PARD3B: variants seen among roughly 807,000 people sequenced by gnomAD.
PARD3B encodes the protein par-3 family cell polarity regulator beta.
Under a neutral mutation model 130.2 loss-of-function variants are expected in PARD3B, and 103 were observed. The observed-to-expected ratio is 0.79, with a 90% CI of 0.67 to 0.93. The LOEUF (loss-of-function observed/expected upper bound fraction) is 0.93. Among genes scored for constraint, PARD3B ranks in the 40% least tolerant of loss-of-function variants. PARD3B has a pLI of 0.00. For synonymous variants in PARD3B, 583 were observed against 553.2 expected (o/e 1.05, Z -0.76); for missense variants, 1,609 against 1,499.2 (o/e 1.07, Z -1.21).
At chr2:204,832,834 T>C (rs77669154) in intron 2 of PARD3B, among the ~76,000 whole-genome samples, 227 of 152,074 alleles carry the variant, frequency 1.5e-3, no homozygotes, top group African/African-American at 5.1e-3. Flanking sequence ...TTAATTGTCT[T>C]AAAAAATAGA....
chr2:205,058,227 C>G (rs554822686), intron 4 of PARD3B, among the ~76,000 whole-genome samples: 2 of 151,912 alleles, frequency 1.3e-5, no homozygotes, highest in African/African-American at 4.8e-5. Flanking sequence ...GCATAATATT[C>G]TTAAGCATCA....
intron 2 of PARD3B, among the ~76,000 whole-genome samples, chr2:204,770,917 G>A (rs2041344039): frequency 6.6e-6 from 1 of 152,060 alleles, no homozygotes; most frequent in Non-Finnish European, 1.5e-5. Context: ...ACAGCAGCCT[G>A]AGCTCTGCTT....
At chr2:204,658,049 C>A (rs531821286) in intron 1 of PARD3B, among the ~76,000 whole-genome samples, 1 of 152,220 alleles carries the variant, frequency 6.6e-6, no homozygotes, top group Admixed American at 6.5e-5. Flanking sequence ...CCTATCAGGT[C>A]AAGAAAGACA....
At chr2:204,708,410 G>A (rs544338982) in intron 2 of PARD3B, among the ~76,000 whole-genome samples, 15 of 152,212 alleles carry the variant, frequency 9.9e-5, no homozygotes, top group African/African-American at 2.9e-4. Context: ...ATGAAAGCTT[G>A]CTTTTGACAT....
At chr2:205,053,987 G>C (rs1443642702) in intron 4 of PARD3B, among the ~76,000 whole-genome samples, 1 of 152,108 alleles carries the variant, frequency 6.6e-6, no homozygotes, top group Non-Finnish European at 1.5e-5. Context: ...GATAAGACCA[G>C]AGCTTGAAGA....
At chr2:204,796,392 C>A (rs757347630) in intron 2 of PARD3B, among the ~76,000 whole-genome samples, 1 of 152,180 alleles carries the variant, frequency 6.6e-6, no homozygotes, top group Non-Finnish European at 1.5e-5. Context: ...TTGGAAAATG[C>A]CACAGTCAGA....
At chr2:205,067,215 G>T (rs550048746) in intron 4 of PARD3B, among the ~76,000 whole-genome samples, 1 of 149,068 alleles carries the variant, frequency 6.7e-6, no homozygotes, top group South Asian at 2.1e-4. Flanking sequence ...AGACTGGAGT[G>T]CAATGCTGCA....
rs569541968 is a variant in PARD3B at position 204,864,203 on chromosome 2, C to T, written c.223-100949C>T. Among the ~76,000 whole-genome samples, 8 of 152,268 alleles carry T rather than the reference C, an allele frequency of 5.3e-5. 1 individual carries two copies. The East Asian group carries it at 1.5e-3, about 29-fold the overall frequency. ...AGCCGTTCCTGTACTTCTGTCCTTG[C>T]CCTGCCCCGTGCCAGATTTGCATAT... On this transcript the variant is annotated intron_variant, in intron 2 of 22. Transcript: ENST00000406610.
chr2:204,997,919 A>G (rs1483195207), intron 3 of PARD3B, among the ~76,000 whole-genome samples: 2 of 148,966 alleles, frequency 1.3e-5, no homozygotes, highest in African/African-American at 2.4e-5. Context: ...TTTATTATTT[A>G]TATACTTAAT....
chr2:205,245,262 G>A (rs1339054509), intron 15 of PARD3B, among the ~76,000 whole-genome samples: 1 of 152,180 alleles, frequency 6.6e-6, no homozygotes, highest in Non-Finnish European at 1.5e-5. Flanking sequence ...GTTGCCTAAT[G>A]TCTAATCTGT....
chr2:205,117,464 T>A (rs1416717264), intron 6 of PARD3B, among the ~76,000 whole-genome samples: 3 of 152,198 alleles, frequency 2.0e-5, no homozygotes, highest in Non-Finnish European at 4.4e-5. Context: ...GGTCTTGAGA[T>A]GATGGGAGCT....
chr2:205,454,761 A>G (rs72948034), intron 20 of PARD3B, among the ~76,000 whole-genome samples: 8,470 of 152,220 alleles, frequency 0.056, 302 homozygotes, highest in Admixed American at 0.098. Context: ...CAGGATATCC[A>G]TATACTATGC....
intron 2 of PARD3B, among the ~76,000 whole-genome samples, chr2:204,712,854 A>G (rs2038522415): frequency 6.6e-6 from 1 of 152,104 alleles, no homozygotes; most frequent in Non-Finnish European, 1.5e-5. Context: ...CATTACACCA[A>G]TTGGTATTAT....
chr2:205,216,040 C>T (rs1309453299), intron 15 of PARD3B, among the ~76,000 whole-genome samples: 5 of 151,882 alleles, frequency 3.3e-5, no homozygotes, highest in Admixed American at 1.3e-4. Flanking sequence ...TAATCATGTA[C>T]GATGTAGTAA....
At chr2:205,035,802 T>G (rs1378915837) in intron 3 of PARD3B, among the ~76,000 whole-genome samples, 2 of 5,144 alleles carry the variant, frequency 3.9e-4, no homozygotes, top group African/African-American at 7.5e-4. Context: ...ATATCTCATA[T>G]ATATATATAT....
At chr2:204,785,147 A>G (rs2041962455) in intron 2 of PARD3B, among the ~76,000 whole-genome samples, 1 of 152,246 alleles carries the variant, frequency 6.6e-6, no homozygotes, top group Admixed American at 6.5e-5. Context: ...TACTCACTGA[A>G]CATATGAAAA....
intron 1 of PARD3B, among the ~76,000 whole-genome samples, chr2:204,586,007 A>G (rs2125087704): frequency 6.6e-6 from 1 of 152,312 alleles, no homozygotes; most frequent in Non-Finnish European, 1.5e-5. Context: ...AGTACACTGC[A>G]TTTTATTTGT....
At chr2:205,454,083 G>A (rs1001242193) in intron 20 of PARD3B, among the ~76,000 whole-genome samples, 3 of 152,086 alleles carry the variant, frequency 2.0e-5, no homozygotes, top group East Asian at 1.9e-4. Flanking sequence ...TCAAGGCTGC[G>A]GGGTACAAAA....
chr2:204,752,214 C>A (rs917486332), intron 2 of PARD3B, among the ~76,000 whole-genome samples: 1 of 152,078 alleles, frequency 6.6e-6, no homozygotes, highest in African/African-American at 2.4e-5. Flanking sequence ...AGGCCCAGTG[C>A]CTTTGACTGT....
Sources: gnomAD v4.1 joint callset for allele counts (sites outside exome capture counted in the v4.1 genomes callset) on GRCh38, gnomAD v4.1.1 for gene constraint, MANE v1.5 for transcripts, NCBI Gene and HGNC (gene_info 2026-07-23, HGNC 2026-07-21) for gene names.